Variants in TEX36 observed in about 807,000 individuals in gnomAD.
TEX36 encodes testis-expressed protein 36.
Under a neutral mutation model 13.6 loss-of-function variants are expected in TEX36, and 12 were observed. The ratio of observed to expected loss-of-function variants is 0.88; its 90% confidence interval spans 0.56 to 1.43. The LOEUF (loss-of-function observed/expected upper bound fraction) is 1.43, where lower values mean the gene tolerates loss of function less well. Among genes scored for constraint, TEX36 ranks in the 40% most tolerant of loss-of-function variants. TEX36 has a pLI of 0.00. For synonymous variants in TEX36, 93 were observed against 83.0 expected (o/e 1.12, Z -0.65); for missense variants, 224 against 228.3 (o/e 0.98, Z 0.12).
intron 3 of TEX36, among the ~76,000 whole-genome samples, chr10:125,591,833 C>T (rs1340086281): frequency 6.6e-6 from 1 of 152,088 alleles, no homozygotes; most frequent in Non-Finnish European, 1.5e-5. Flanking sequence ...TGAAACTGAC[C>T]TTCCCTGCTT....
At chr10:125,678,944 C>G (rs762845626) in intron 1 of TEX36, among the ~76,000 whole-genome samples, 1 of 152,060 alleles carries the variant, frequency 6.6e-6, no homozygotes, top group Non-Finnish European at 1.5e-5. Flanking sequence ...GTGGAGTGCT[C>G]AGCTGAGAGG....
At chr10:125,591,264 A>G (rs1032512717) in intron 3 of TEX36, among the ~76,000 whole-genome samples, 2 of 152,244 alleles carry the variant, frequency 1.3e-5, no homozygotes, top group African/African-American at 2.4e-5. Context: ...GATGTCATCT[A>G]TATTATTTTA....
intron 3 of TEX36, among the ~76,000 whole-genome samples, chr10:125,607,103 G>A (rs768014473): frequency 6.6e-6 from 1 of 152,236 alleles, no homozygotes; most frequent in Non-Finnish European, 1.5e-5. Flanking sequence ...TCACTTGGGT[G>A]CTGCAGTCCT....
At chr10:125,642,570 G>A (rs1350938704) in intron 3 of TEX36, among the ~76,000 whole-genome samples, 1 of 152,132 alleles carries the variant, frequency 6.6e-6, no homozygotes. Context: ...AAATCCCTTA[G>A]TTGTATGTAT....
At chr10:125,663,378 C>T (rs974137694) in intron 1 of TEX36, among the ~76,000 whole-genome samples, 3 of 152,130 alleles carry the variant, frequency 2.0e-5, no homozygotes, top group African/African-American at 7.2e-5. Flanking sequence ...GTGCAGGTAT[C>T]CCTCAGATAT....
chr10:125,625,103 C>T (rs554656574), intron 3 of TEX36, among the ~76,000 whole-genome samples: 4 of 152,314 alleles, frequency 2.6e-5, no homozygotes, highest in African/African-American at 9.6e-5. Flanking sequence ...TGCACCTCCC[C>T]AGTACTCCAG....
At position 125,661,138 on chromosome 10, in the gene TEX36, A is replaced by G. The variant is rs761258376; in HGVS notation, c.184-37T>C. The G allele has an allele frequency of 1.0e-5, 15 of 1,489,972 alleles. No homozygotes were observed. In the South Asian group the frequency reaches 1.6e-4, roughly 16 times the overall value. 92.3% of individuals were successfully genotyped at this position (1,489,972 alleles called of 1,614,324 possible). On this transcript the variant is annotated intron_variant, in intron 2 of 3. Transcript: ENST00000368821. Reference sequence around the variant, plus strand: ...GGATGGAAGGGAAAGAGCACACATTAGAACCCTGCATGCTTTCAGAACTGG... The same window carrying G: ...GGATGGAAGGGAAAGAGCACACATTGGAACCCTGCATGCTTTCAGAACTGG...
At chr10:125,644,857 C>A (rs544623907) in intron 3 of TEX36, among the ~76,000 whole-genome samples, 1 of 152,298 alleles carries the variant, frequency 6.6e-6, no homozygotes, top group East Asian at 1.9e-4. Context: ...AAAAAGGGCA[C>A]CGAACTCTTT....
chr10:125,653,574 C>G (rs1445513097), downstream of TEX36, among the ~76,000 whole-genome samples: 2 of 152,042 alleles, frequency 1.3e-5, no homozygotes, highest in African/African-American at 2.4e-5. Flanking sequence ...CAACATGGCA[C>G]ATGCATACAT....
At chr10:125,633,085 C>T (rs956208384) in intron 3 of TEX36, among the ~76,000 whole-genome samples, 2 of 152,062 alleles carry the variant, frequency 1.3e-5, no homozygotes, top group Admixed American at 6.6e-5. Flanking sequence ...GATTGTGCCA[C>T]TGCACTCCAA....
intron 1 of TEX36, chr10:125,668,067 CT>C: frequency 3.2e-6 from 2 of 628,562 alleles, no homozygotes; most frequent in South Asian, 1.9e-5. Flanking sequence ...CCTAAAATAA[CT>C]GAGAGTCTGT....
At chr10:125,658,522 C>A (rs1301028457) in intron 3 of TEX36, among the ~76,000 whole-genome samples, 1 of 151,946 alleles carries the variant, frequency 6.6e-6, no homozygotes, top group East Asian at 1.9e-4. Flanking sequence ...AATTCACAGT[C>A]CTAAATTAAT....
At chr10:125,625,616 T>A (rs773444250) in intron 3 of TEX36, among the ~76,000 whole-genome samples, 25 of 152,234 alleles carry the variant, frequency 1.6e-4, no homozygotes, top group Non-Finnish European at 2.8e-4. Context: ...AATAAACTAA[T>A]TTTAACAACT....
At chr10:125,644,495 G>C (rs922101877) in intron 3 of TEX36, among the ~76,000 whole-genome samples, 2 of 152,168 alleles carry the variant, frequency 1.3e-5, no homozygotes, top group Non-Finnish European at 2.9e-5. Flanking sequence ...TTATGTAAAT[G>C]TCAGACATGA....
downstream of TEX36, among the ~76,000 whole-genome samples, chr10:125,618,803 C>A (rs1014010607): frequency 6.6e-6 from 1 of 151,830 alleles, no homozygotes; most frequent in Non-Finnish European, 1.5e-5. Context: ...GCTGCAGTGA[C>A]GGTGTTAAAG....
At chr10:125,604,915 C>A (rs1170010661) in intron 3 of TEX36, among the ~76,000 whole-genome samples, 1 of 140,036 alleles carries the variant, frequency 7.1e-6, no homozygotes, top group Non-Finnish European at 1.6e-5. Flanking sequence ...TCAGGGCTCC[C>A]ACCGATTCTA....
At chr10:125,581,714 T>C (rs1565165897) in intron 3 of TEX36, among the ~76,000 whole-genome samples, 1 of 152,258 alleles carries the variant, frequency 6.6e-6, no homozygotes, top group East Asian at 1.9e-4. Context: ...CAAAGAATCA[T>C]GAAACAGAGA....
chr10:125,632,826 G>A (rs1207333319), intron 3 of TEX36, among the ~76,000 whole-genome samples: 5 of 152,100 alleles, frequency 3.3e-5, no homozygotes, highest in African/African-American at 4.8e-5. Context: ...TCTTACCAAA[G>A]ATCAGAATTA....
At chr10:125,606,459 T>A (rs1846217183) in intron 3 of TEX36, among the ~76,000 whole-genome samples, 1 of 152,200 alleles carries the variant, frequency 6.6e-6, no homozygotes, top group Non-Finnish European at 1.5e-5. Context: ...TTCCGTCAAA[T>A]CAGTATCAAC....
Sources: gnomAD v4.1 joint callset for allele counts (sites outside exome capture counted in the v4.1 genomes callset) on GRCh38, gnomAD v4.1.1 for gene constraint, MANE v1.5 for transcripts, NCBI Gene and HGNC (gene_info 2026-07-23, HGNC 2026-07-21) for gene names.